MICAL1: variants seen among roughly 807,000 people sequenced by gnomAD.
The protein encoded by MICAL1 is microtubule associated monooxygenase, calponin and LIM domain containing 1.
In MICAL1, 95 loss-of-function variants were observed where a neutral mutation model predicts 131.8. The observed-to-expected ratio is 0.72, with a 90% CI of 0.61 to 0.86. The LOEUF is 0.86. MICAL1 is among the 40% of genes least tolerant of loss of function. The pLI is 0.00. For missense variants in MICAL1, 1,292 were observed against 1,380.6 expected (o/e 0.94, Z 1.02); for synonymous variants, 546 against 554.2 (o/e 0.99, Z 0.21).
intron 6 of MICAL1, 89 bp downstream of exon 6, chr6:109,452,157 T>C: frequency 6.6e-7 from 1 of 1,524,486 alleles, no homozygotes; most frequent in Non-Finnish European, 8.8e-7. Flanking sequence ...GTGGAGTTCC[T>C]TGCAGTGAGG....
rs1471232674 is a variant in MICAL1, at chr6:109,452,352, G to C, written c.726C>G (p.Ala242=). 3 of 1,614,214 alleles carry C rather than the reference G, an allele frequency of 1.9e-6. No homozygotes were observed. Among genetic ancestry groups the C allele is most frequent in the Non-Finnish European group, 2.5e-6 (3 of 1,180,048 alleles). ...MRGKLAIGIT[A]NFVNGRTVEE... is the part of the protein sequence containing the mutation. ...CCACGGTGCGTCCATTCACAAAGTT[G>C]GCTGTGATGCCAATGGCCAGTTTGC... is the stretch of plus-strand genomic sequence containing the variant. The change falls in exon 6 of 25, where the codon GCC becomes GCG. Residue 242 remains alanine, a synonymous_variant. Transcript: ENST00000358807.
rs1169762646 is a variant in MICAL1 at position 109,450,010 on chromosome 6, A to G, written c.1267T>C (p.Trp423Arg). The G allele has an allele frequency of 4.3e-6, 7 of 1,613,880 alleles. No homozygotes were observed. The highest frequency in any genetic ancestry group is 5.9e-6 in the Non-Finnish European group (7 of 1,179,954). Residue 423 changes from tryptophan to arginine, a missense_variant, in exon 9 of 25, where the codon TGG (tryptophan) becomes CGG (arginine). Trp to Arg is a moderately radical substitution (Grantham distance 101). Transcript: ENST00000358807. ...TCTAGGGACTCAGCGCCCTCTGCCCACCGCTTCACCATCCAGGCTGCATCA... is the reference window on the plus strand; with the variant it reads ...TCTAGGGACTCAGCGCCCTCTGCCCGCCGCTTCACCATCCAGGCTGCATCA... ...AFDAAWMVKR[W>R]AEGAESLEVL...
upstream of MICAL1, chr6:109,456,077 G>A (rs1775737414): frequency 3.0e-5 from 29 of 962,090 alleles, no homozygotes; most frequent in Non-Finnish European, 3.5e-5. Context: ...CTGGCCTGTT[G>A]GGGGCTGAGG....
intron 11 of MICAL1, chr6:109,449,108 G>A (rs1775388989): frequency 3.0e-6 from 2 of 670,132 alleles, no homozygotes; most frequent in Non-Finnish European, 5.1e-6. Context: ...ATCGCAACTG[G>A]CCACATAGAG....
chr6:109,451,730 A>T (rs777823499), intron 6 of MICAL1, 30 bp from the exon 7 acceptor site: 1 of 1,611,590 alleles, frequency 6.2e-7, no homozygotes, highest in Non-Finnish European at 8.5e-7. Flanking sequence ...GACAGTAGAT[A>T]TGTCTCCTGA....
In MICAL1 at chr6:109,451,577, TCCTGGCCAGGACTGGGCCTCA is replaced by T. The variant is rs1775544690; in HGVS notation, c.933+2_933+22del. 1.2e-6 allele frequency: 2 copies of T among 1,613,020 alleles called. No homozygotes were observed. The highest frequency in any genetic ancestry group is 1.7e-6 in the Non-Finnish European group (2 of 1,179,764). On this transcript the variant is annotated splice_donor_variant and splice_donor_5th_base_variant and intron_variant, in intron 7 of 24. Transcript: ENST00000358807. LOFTEE classifies it high-confidence loss of function. ...CTCCCGGGGCTCACCACCCAGCCTC[TCCTGGCCAGGACTGGGCCTCA>T]CCTGGCGCAGCACCCCCAGCCGCAG...
chr6:109,447,716 C>T lies in MICAL1; in HGVS notation c.1951G>A (p.Ala651Thr), dbSNP rs1436529234. Residue 651 changes from alanine to threonine, a missense_variant, in exon 15 of 25, where the codon GCA becomes ACA. Coordinates refer to ENST00000358807, the MANE Select transcript of MICAL1 (RefSeq NM_022765.4). ...AGCTTCTTGCCACCAGCATCCTCTG[C>T]ATTTTCCTGCAATAAGTCCTAACAG... ...TLQRSRAKENAEDAGGKKLRL... is the reference protein window; with the variant it reads ...TLQRSRAKENTEDAGGKKLRL... The T allele has an allele frequency of 6.2e-7, 1 of 1,613,990 alleles. No homozygotes were observed. The highest frequency in any genetic ancestry group is 8.5e-7 in the Non-Finnish European group (1 of 1,180,006).
intron 11 of MICAL1, chr6:109,449,186 A>C (rs1267407932): frequency 2.9e-6 from 2 of 695,552 alleles, no homozygotes; most frequent in African/African-American, 3.5e-5. Context: ...TGGTTCAAAC[A>C]CTAACGCGCT....
chr6:109,456,361 G>A (rs1261831947), upstream of MICAL1, among the ~76,000 whole-genome samples: 2 of 152,230 alleles, frequency 1.3e-5, no homozygotes, highest in African/African-American at 4.8e-5. Flanking sequence ...CGGCCCGGGC[G>A]CCCCAGGATG....
Position 109,445,245 on chromosome 6 carries a change from G to A in MICAL1, c.2833C>T (p.Leu945=). The A allele has an allele frequency of 6.2e-7, 1 of 1,614,070 alleles. No individual in the cohort carries two copies. Among genetic ancestry groups the A allele is most frequent in the Non-Finnish European group, 8.5e-7 (1 of 1,180,034 alleles). ...LNEIEAALRE[L]EAEGVKLELA... is the part of the protein sequence containing the mutation. ...TCCAGCTTCACGCCCTCGGCCTCTA[G>A]CTCCCTCAAGGCAGCCTCAATCTCA... The change falls in exon 22 of 25, where the codon CTA becomes TTA. Residue 945 remains leucine, a synonymous_variant. Coordinates refer to ENST00000358807, the MANE Select transcript of MICAL1 (RefSeq NM_022765.4).
At chr6:109,465,301 T>C (rs1002986835) in intron 1 of MICAL1, 28 of 260,402 alleles carry the variant, frequency 1.1e-4, no homozygotes, top group African/African-American at 5.6e-4. Context: ...AGATAAAACG[T>C]TGAGGGTTAC....
chr6:109,451,812 T>C (rs1432386629), intron 6 of MICAL1, 112 bp from the exon 7 acceptor site: 26 of 1,512,588 alleles, frequency 1.7e-5, no homozygotes, highest in Non-Finnish European at 2.2e-5. Flanking sequence ...TAGGCTGCGG[T>C]GAGTGCTCCA....
intron 1 of MICAL1, among the ~76,000 whole-genome samples, chr6:109,461,661 A>G (rs1225696736): frequency 6.6e-6 from 1 of 152,202 alleles, no homozygotes; most frequent in Non-Finnish European, 1.5e-5. Flanking sequence ...AGCAGGTCAC[A>G]TTCTTTAATT....
exon 1 of MICAL1, chr6:109,465,669 A>G: frequency 6.3e-7 from 1 of 1,582,216 alleles, no homozygotes; most frequent in South Asian, 1.1e-5. Flanking sequence ...AGTACCTTAG[A>G]CAAGACATAC....
rs1775242343 is a variant in MICAL1, at chr6:109,446,740, T to C, written c.2260A>G (p.Thr754Ala). Residue 754 changes from threonine to alanine, a missense_variant, in exon 18 of 25, where the codon ACA becomes GCA. By Grantham distance (58) the Thr-to-Ala change is moderately conservative (BLOSUM62 0). Transcript: ENST00000358807. ...HFYCLQHLPQ[T>A]DHKAEGSDRG... Reference sequence around the variant, plus strand: ...TCGCTGCCTTCCGCTTTGTGGTCTGTCTGGGGCAGGTGCTGGAGGCAGTAG... The same window carrying C: ...TCGCTGCCTTCCGCTTTGTGGTCTGCCTGGGGCAGGTGCTGGAGGCAGTAG... 6.2e-7 allele frequency: 1 copy of C among 1,613,848 alleles called. No homozygotes were observed. Among genetic ancestry groups the C allele is most frequent in the East Asian group, 2.2e-5 (1 of 44,862 alleles).
chr6:109,463,159 G>C (rs1193432143), intron 1 of MICAL1: 1 of 152,152 alleles, frequency 6.6e-6, no homozygotes, highest in Non-Finnish European at 1.5e-5. Flanking sequence ...GCTAATTTTT[G>C]TATTTTTAGT....
chr6:109,445,157 A>G (rs767586222), intron 22 of MICAL1, 40 bp downstream of exon 22: 4 of 1,607,358 alleles, frequency 2.5e-6, no homozygotes, highest in Non-Finnish European at 2.6e-6. Flanking sequence ...AGCTGAACAC[A>G]GTGCTAGAAG....
chr6:109,465,783 G>A lies in MICAL1; in HGVS notation c.-106C>T, dbSNP rs546810931. 223 of 1,613,876 alleles carry A rather than the reference G, an allele frequency of 1.4e-4. 1 individual carries two copies. In the South Asian group the frequency reaches 1.4e-3, roughly 10 times the overall value. ...AATGGTGTGGAGAGCCTGATTTCAA[G>A]CGTTCAAAATCCAGTCAGAGCTGGC... On this transcript the variant is annotated 5_prime_UTR_variant, in exon 1 of 25. Coordinates refer to the MICAL1 transcript ENST00000630715.
chr6:109,449,726 C>A lies in MICAL1; in HGVS notation c.1365G>T (p.Val455=). Residue 455 remains valine, a synonymous_variant, in exon 10 of 25, where the codon GTG becomes GTT. Transcript: ENST00000358807. ...TGGCTGGGTCCAGCCCATACTGGGC[C>A]ACATTGCGATGCATGTTTTCTGGGG... The part of the protein sequence containing the change: ...QTSPENMHRN[V]AQYGLDPATR... The A allele has an allele frequency of 6.2e-7, 1 of 1,602,396 alleles. No individual in the cohort carries two copies. Among genetic ancestry groups the A allele is most frequent in the Non-Finnish European group, 8.5e-7 (1 of 1,174,372 alleles).
Sources: gnomAD v4.1 joint callset for allele counts (sites outside exome capture counted in the v4.1 genomes callset) on GRCh38, gnomAD v4.1.1 for gene constraint, MANE v1.5 for transcripts, NCBI Gene and HGNC (gene_info 2026-07-23, HGNC 2026-07-21) for gene names.